Variants in CTNNBL1 observed in about 807,000 individuals in gnomAD.
CTNNBL1 encodes the protein beta-catenin-like protein 1.
CTNNBL1 carries 31 observed loss-of-function variants against 72.7 expected under a neutral mutation model. The ratio of observed to expected loss-of-function variants is 0.43; its 90% CI spans 0.32 to 0.58. The LOEUF is 0.58. Ranked by LOEUF, CTNNBL1 falls within the 20% of genes least tolerant of loss-of-function variation. The probability of loss-of-function intolerance (pLI) is 0.08; values close to 1 mark genes in which losing one functional copy is unlikely to be tolerated. For synonymous variants in CTNNBL1, 240 were observed against 267.3 expected (o/e 0.90, Z 1.00); for missense variants, 534 against 725.1 (o/e 0.74, Z 3.03).
At chr20:37,761,232 G>A (rs947340784) in intron 5 of CTNNBL1, among the ~76,000 whole-genome samples, 5 of 152,218 alleles carry the variant, frequency 3.3e-5, no homozygotes, top group African/African-American at 1.2e-4. Flanking sequence ...TAGCTGGCCA[G>A]TGTCTAGGAG....
chr20:37,867,843 A>T (rs2072549146), intron 15 of CTNNBL1, among the ~76,000 whole-genome samples: 1 of 152,228 alleles, frequency 6.6e-6, no homozygotes, highest in Admixed American at 6.5e-5. Flanking sequence ...TGCTCTAAAT[A>T]GGACTCTGCC....
At chr20:37,744,489 C>T (rs1002217118) in intron 3 of CTNNBL1, among the ~76,000 whole-genome samples, 1 of 152,206 alleles carries the variant, frequency 6.6e-6, no homozygotes, top group Non-Finnish European at 1.5e-5. Flanking sequence ...CACAGTACGT[C>T]TACTCAAGGG....
chr20:37,760,702 A>G (rs1293351710), intron 5 of CTNNBL1, among the ~76,000 whole-genome samples: 4 of 152,256 alleles, frequency 2.6e-5, no homozygotes, highest in African/African-American at 7.2e-5. Context: ...CAAGTGAGAT[A>G]TTTAATAAGT....
intron 4 of CTNNBL1, among the ~76,000 whole-genome samples, chr20:37,754,610 A>G (rs1288304800): frequency 6.6e-6 from 1 of 152,068 alleles, no homozygotes; most frequent in East Asian, 1.9e-4. Context: ...TCTTTTACTA[A>G]TTTATGGTGG....
intron 13 of CTNNBL1, among the ~76,000 whole-genome samples, chr20:37,847,611 G>T (rs551465338): frequency 2.7e-4 from 41 of 152,248 alleles, no homozygotes; most frequent in African/African-American, 9.6e-4. Flanking sequence ...GTTTCCATTG[G>T]CTAAGTGTAT....
At chr20:37,734,853 G>A (rs532699647) in intron 2 of CTNNBL1, among the ~76,000 whole-genome samples, 11 of 152,330 alleles carry the variant, frequency 7.2e-5, no homozygotes, top group Admixed American at 4.6e-4. Context: ...CCCCAGTGTT[G>A]GAGAGAAATT....
intron 15 of CTNNBL1, among the ~76,000 whole-genome samples, chr20:37,863,448 G>A (rs975069384): frequency 1.3e-5 from 2 of 152,222 alleles, no homozygotes; most frequent in African/African-American, 4.8e-5. Flanking sequence ...TGAACAGTGT[G>A]CTGAGGGAGG....
intron 10 of CTNNBL1, among the ~76,000 whole-genome samples, chr20:37,791,274 TTGCTGGGTCATA>T (rs1228254599): frequency 3.3e-5 from 5 of 152,226 alleles, no homozygotes; most frequent in African/African-American, 1.2e-4. Flanking sequence ...CTTAGTTAAA[TTGCTGGGTCATA>T]TGTTAGGTAT....
intron 1 of CTNNBL1, among the ~76,000 whole-genome samples, chr20:37,731,567 C>T (rs544751237): frequency 1.5e-4 from 23 of 152,294 alleles, no homozygotes; most frequent in Non-Finnish European, 2.9e-4. Context: ...GTCAACATTT[C>T]CCTCCGTCTC....
rs757916436 is a variant in CTNNBL1 at position 37,746,444 on chromosome 20, A to G, written c.327-24A>G. 7 of 1,606,572 alleles carry G rather than the reference A, an allele frequency of 4.4e-6. No homozygotes were observed. In the East Asian group the frequency reaches 1.6e-4, roughly 36 times the overall value. On this transcript the variant is annotated intron_variant, in intron 3 of 15. Coordinates refer to ENST00000361383, the MANE Select transcript of CTNNBL1 (RefSeq NM_030877.5). Reference sequence around the variant, plus strand: ...TGCTGATAGTGCCCCTTTCCTTCTAATGATGTCTTGTTTTCCCTCCTAGGT... The same window carrying G: ...TGCTGATAGTGCCCCTTTCCTTCTAGTGATGTCTTGTTTTCCCTCCTAGGT...
intron 11 of CTNNBL1, among the ~76,000 whole-genome samples, chr20:37,836,341 C>T (rs2072253637): frequency 6.6e-6 from 1 of 152,158 alleles, no homozygotes; most frequent in Non-Finnish European, 1.5e-5. Flanking sequence ...ACTGGTAGGC[C>T]CTTGCCCCTG....
chr20:37,852,205 G>A lies in CTNNBL1; in HGVS notation c.1393-7694G>A, dbSNP rs146549630. On this transcript the variant is annotated intron_variant, in intron 13 of 15. Transcript: ENST00000361383. The stretch of plus-strand genomic sequence containing the variant: ...CTGTCTTGTTCAGATACAGTCCAAC[G>A]TACATATAGATTTTCACTCTGAAGT... 2.3e-3 allele frequency among the ~76,000 whole-genome samples: 352 copies of A among 152,312 alleles called. 1 individual carries two copies. Among genetic ancestry groups the A allele is most frequent in the Non-Finnish European group, 4.0e-3 (274 of 68,026 alleles).
intron 11 of CTNNBL1, among the ~76,000 whole-genome samples, chr20:37,826,869 C>T (rs900466751): frequency 3.9e-5 from 6 of 152,162 alleles, no homozygotes; most frequent in Admixed American, 6.5e-5. Context: ...ATGTATAATA[C>T]GTATTTTTAA....
chr20:37,855,505 G>A (rs1170681848), intron 13 of CTNNBL1, among the ~76,000 whole-genome samples: 1 of 152,198 alleles, frequency 6.6e-6, no homozygotes, highest in Non-Finnish European at 1.5e-5. Context: ...ACCTGGCACA[G>A]TTAGCTGTTC....
At chr20:37,803,095 A>C in intron 11 of CTNNBL1, 47 bp downstream of exon 11, 3 of 1,546,146 alleles carry the variant, frequency 1.9e-6, no homozygotes, top group Non-Finnish European at 2.7e-6. Context: ...CATTAGGAGA[A>C]ATAGGGAAAT....
At chr20:37,810,322 A>G (rs1470086219) in intron 11 of CTNNBL1, among the ~76,000 whole-genome samples, 1 of 152,218 alleles carries the variant, frequency 6.6e-6, no homozygotes, top group African/African-American at 2.4e-5. Context: ...CACAAGAGAC[A>G]GCCTTGCTTT....
rs995605028 is a variant in CTNNBL1 at position 37,746,703 on chromosome 20, A to C, written c.466+96A>C. On this transcript the variant is annotated intron_variant, in intron 4 of 15. Transcript: ENST00000361383. The stretch of plus-strand genomic sequence containing the variant: ...CTCTCTTTGTAGATGTGTGCTATAA[A>C]ATCTGATGTTCTGTTTCCATTCTAA... 4.5e-5 allele frequency: 63 copies of C among 1,413,494 alleles called. 1 individual carries two copies. The Admixed American group carries it at 6.7e-4, about 15-fold the overall frequency. The allele number at this position is 1,413,494 out of a possible 1,614,324, so 87.6% of individuals were successfully genotyped here.
intron 10 of CTNNBL1, 146 bp downstream of exon 10, chr20:37,779,481 G>C: frequency 1.2e-6 from 1 of 843,518 alleles, no homozygotes; most frequent in Non-Finnish European, 1.9e-6. Flanking sequence ...GGCATGGGGG[G>C]ATGTGTTTGT....
intron 1 of CTNNBL1, 113 bp from the exon 2 acceptor site, chr20:37,732,766 C>G: frequency 2.2e-6 from 2 of 909,552 alleles, no homozygotes; most frequent in Non-Finnish European, 3.3e-6. Context: ...CTCCTGGGCT[C>G]AAGAGATCTG....
Sources: allele counts gnomAD v4.1 joint callset (sites outside exome capture counted in the v4.1 genomes callset), GRCh38; gene constraint gnomAD v4.1.1; transcripts MANE v1.5; gene names NCBI Gene and HGNC (gene_info 2026-07-23, HGNC 2026-07-21).